The following NPAS3 variants were observed in gnomAD, a reference collection of about 807,000 sequenced individuals.
NPAS3 encodes the protein neuronal PAS domain protein 3.
Under a neutral mutation model 73.1 loss-of-function variants are expected in NPAS3, and 14 were observed. The ratio of observed to expected loss-of-function variants is 0.19; its 90% CI spans 0.13 to 0.30. The LOEUF (loss-of-function observed/expected upper bound fraction) is 0.30, where lower values mean the gene tolerates loss of function less well. Ranked by LOEUF, NPAS3 falls within the 10% of genes least tolerant of loss-of-function variation. The pLI is 1.00. For missense variants in NPAS3, 1,096 were observed against 1,250.0 expected, an observed-to-expected ratio of 0.88 and a Z score of 1.86; for synonymous variants, 620 against 541.5, an observed-to-expected ratio of 1.14 and a Z score of -2.01.
intron 1 of NPAS3, among the ~76,000 whole-genome samples, chr14:32,962,723 T>C (rs2036985337): frequency 6.6e-6 from 1 of 151,316 alleles, no homozygotes; most frequent in African/African-American, 2.4e-5. Flanking sequence ...CCATCATGCC[T>C]GGCTAATTTT....
At position 33,289,228 on chromosome 14, in the gene NPAS3, T is replaced by C. The variant is rs74557784; in HGVS notation, c.385+73802T>C. 2.1e-3 allele frequency among the ~76,000 whole-genome samples: 322 copies of C among 152,314 alleles called. 1 individual carries two copies. The highest frequency in any genetic ancestry group is 7.4e-3 in the African/African-American group (308 of 41,576). On this transcript the variant is annotated intron_variant, in intron 3 of 11. Transcript: ENST00000356141. Reference sequence around the variant, plus strand: ...AAAGGAGTGTTTTTCTGAAAACATGTGCCTCGTAAGTTTTAGAGTCAGAAT... The same window carrying C: ...AAAGGAGTGTTTTTCTGAAAACATGCGCCTCGTAAGTTTTAGAGTCAGAAT...
intron 2 of NPAS3, among the ~76,000 whole-genome samples, chr14:33,076,783 C>T (rs2041673302): frequency 6.6e-6 from 1 of 152,132 alleles, no homozygotes; most frequent in Non-Finnish European, 1.5e-5. Context: ...TCTGATTAAT[C>T]CAAAGCAATG....
intron 1 of NPAS3, among the ~76,000 whole-genome samples, chr14:33,037,329 GA>G (rs2040201829): frequency 6.6e-6 from 1 of 152,002 alleles, no homozygotes; most frequent in African/African-American, 2.4e-5. Flanking sequence ...ATTTGTTGGA[GA>G]AATGAATCCT....
chr14:33,447,943 G>A (rs1322210694), intron 4 of NPAS3, among the ~76,000 whole-genome samples: 1 of 152,116 alleles, frequency 6.6e-6, no homozygotes, highest in Non-Finnish European at 1.5e-5. Flanking sequence ...GAAGGATTAA[G>A]TGACATTTAG....
chr14:33,240,894 T>C (rs931208355), intron 3 of NPAS3, among the ~76,000 whole-genome samples: 1 of 151,924 alleles, frequency 6.6e-6, no homozygotes, highest in Non-Finnish European at 1.5e-5. Flanking sequence ...TTCATTTTTA[T>C]ACTAATAATT....
intron 2 of NPAS3, among the ~76,000 whole-genome samples, chr14:33,070,569 A>T (rs4542568): frequency 0.46 from 70,488 of 152,038 alleles, 17,188 homozygotes; most frequent in African/African-American, 0.6. Context: ...TTGAACAGGG[A>T]AGCCCTTTTG....
chr14:33,796,117 A>G (rs1045013043), intron 10 of NPAS3, among the ~76,000 whole-genome samples: 1 of 152,082 alleles, frequency 6.6e-6, no homozygotes, highest in Non-Finnish European at 1.5e-5. Context: ...TGGCCCTGGC[A>G]ATATAGCAAC....
At chr14:33,334,195 G>T (rs1594716431) in intron 3 of NPAS3, among the ~76,000 whole-genome samples, 1 of 152,148 alleles carries the variant, frequency 6.6e-6, no homozygotes, top group East Asian at 1.9e-4. Context: ...GTTTTATTAT[G>T]ACCTCTTTTT....
intron 5 of NPAS3, among the ~76,000 whole-genome samples, chr14:33,637,414 CATT>C (rs2058552018): frequency 6.6e-6 from 1 of 152,132 alleles, no homozygotes; most frequent in Non-Finnish European, 1.5e-5. Flanking sequence ...CATTAGAGTC[CATT>C]ATAACTAATT....
intron 1 of NPAS3, among the ~76,000 whole-genome samples, chr14:32,988,738 C>T (rs1319849834): frequency 1.3e-5 from 2 of 152,212 alleles, no homozygotes; most frequent in Non-Finnish European, 2.9e-5. Flanking sequence ...TGTCACTTGA[C>T]TAATGTTCTC....
At chr14:33,448,076 G>A (rs1171727047) in intron 4 of NPAS3, among the ~76,000 whole-genome samples, 3 of 152,202 alleles carry the variant, frequency 2.0e-5, no homozygotes, top group African/African-American at 7.2e-5. Flanking sequence ...TATGAATTAT[G>A]TAGGAGGAGG....
chr14:33,262,967 G>A (rs1396728187), intron 3 of NPAS3, among the ~76,000 whole-genome samples: 1 of 152,046 alleles, frequency 6.6e-6, no homozygotes, highest in East Asian at 1.9e-4. Context: ...TGTTGATGGG[G>A]TTGTTTGTTT....
chr14:33,554,483 G>A (rs1380532221), intron 4 of NPAS3, among the ~76,000 whole-genome samples: 8 of 152,176 alleles, frequency 5.3e-5, no homozygotes, highest in Non-Finnish European at 1.2e-4. Context: ...CTTTTTTACT[G>A]ATGTAATTGT....
rs1357746670 is a variant in NPAS3, at chr14:33,570,521, A to G, written c.558+10311A>G. Among the ~76,000 whole-genome samples, 4 of 152,210 alleles carry G rather than the reference A, an allele frequency of 2.6e-5. No homozygotes were observed. The East Asian group carries it at 7.7e-4, about 29-fold the overall frequency. On this transcript the variant is annotated intron_variant, in intron 5 of 11. Transcript: ENST00000356141. ...CCCTGAAATAATAATAAAAAAACCCATAATTTTTCCGGCTCATTAATTAAA... is the reference window on the plus strand; with the variant it reads ...CCCTGAAATAATAATAAAAAAACCCGTAATTTTTCCGGCTCATTAATTAAA...
At chr14:33,461,319 A>G (rs1392761604) in intron 4 of NPAS3, among the ~76,000 whole-genome samples, 1 of 152,150 alleles carries the variant, frequency 6.6e-6, no homozygotes, top group Non-Finnish European at 1.5e-5. Context: ...GGCTATTTTG[A>G]TGTTGCATAA....
At chr14:33,731,689 T>A (rs1365714314) in intron 6 of NPAS3, among the ~76,000 whole-genome samples, 7 of 152,188 alleles carry the variant, frequency 4.6e-5, no homozygotes, top group Admixed American at 4.6e-4. Context: ...GTAATTCAGA[T>A]ATCATTTCAC....
At chr14:33,341,432 A>AATTTTATTTTTTT (rs1376779191) in intron 3 of NPAS3, among the ~76,000 whole-genome samples, 1 of 152,114 alleles carries the variant, frequency 6.6e-6, no homozygotes, top group African/African-American at 2.4e-5. Context: ...TTTATGGAAA[A>AATTTTATTTTTTT]ATTTTATTTT....
intron 5 of NPAS3, among the ~76,000 whole-genome samples, chr14:33,643,395 AAAAC>A (rs1478397987): frequency 3.9e-4 from 58 of 147,196 alleles, no homozygotes; most frequent in African/African-American, 1.3e-3. Flanking sequence ...AAAAAAAAAA[AAAAC>A]GAGAGAGATG....
chr14:33,334,417 T>G (rs74042046), intron 3 of NPAS3, among the ~76,000 whole-genome samples: 3,645 of 152,282 alleles, frequency 0.024, 140 homozygotes, highest in African/African-American at 0.082. Flanking sequence ...AACAGCAATC[T>G]ACTTTGCATT....
Sources: gnomAD v4.1 joint callset for allele counts (sites outside exome capture counted in the v4.1 genomes callset) on GRCh38, gnomAD v4.1.1 for gene constraint, MANE v1.5 for transcripts, NCBI Gene and HGNC (gene_info 2026-07-23, HGNC 2026-07-21) for gene names.